SPON1: variants seen among roughly 807,000 people sequenced by gnomAD.
SPON1 encodes the protein spondin-1.
SPON1 carries 52 observed loss-of-function variants against 111.7 expected under a neutral mutation model. The ratio of observed to expected loss-of-function variants is 0.47; its 90% CI spans 0.37 to 0.59. The LOEUF (loss-of-function observed/expected upper bound fraction) is 0.59, where lower values mean the gene tolerates loss of function less well. SPON1 is among the 20% of genes least tolerant of loss of function. The pLI is 0.00. For synonymous variants in SPON1, 410 were observed against 395.8 expected, an observed-to-expected ratio of 1.04 and a Z score of -0.43; for missense variants, 957 against 1,068.5, an observed-to-expected ratio of 0.90 and a Z score of 1.46.
chr11:14,221,016 G>A (rs1400526226), intron 6 of SPON1, among the ~76,000 whole-genome samples: 2 of 152,192 alleles, frequency 1.3e-5, no homozygotes, highest in East Asian at 3.8e-4. Context: ...AATTCCAAGG[G>A]AAGTCCTTTC....
At position 14,259,559 on chromosome 11, in the gene SPON1, G is replaced by A. The variant is rs1554941686; in HGVS notation, c.1689G>A (p.Glu563=). The A allele has an allele frequency of 6.4e-7, 1 of 1,553,778 alleles. No homozygotes were observed. Among genetic ancestry groups the A allele is most frequent in the Non-Finnish European group, 8.7e-7 (1 of 1,148,586 alleles). Residue 563 remains glutamate (E), a synonymous_variant, in exon 13 of 16, where the codon GAG becomes GAA. Coordinates refer to ENST00000576479, the MANE Select transcript of SPON1 (RefSeq NM_006108.4). The surrounding 1 kb of genome is among the most constrained non-coding windows in gnomAD (Gnocchi z 5.0). The part of the protein sequence containing the change: ...ECSPSSCLMT[E]WGEWDECSAT... ...CTCCCAGCAGCTGCCTGATGACCGA[G>A]TGGGGCGAGTGGGACGAGTGCAGCG...
intron 15 of SPON1, among the ~76,000 whole-genome samples, 190 bp from the exon 16 acceptor site, chr11:14,265,334 A>G (rs1849252278): frequency 6.6e-6 from 1 of 152,178 alleles, no homozygotes; most frequent in Admixed American, 6.5e-5. Context: ...AGAACCGTGA[A>G]GCATTTGTGG....
At chr11:14,239,497 G>A (rs529406642) in intron 6 of SPON1, among the ~76,000 whole-genome samples, 16 of 152,218 alleles carry the variant, frequency 1.1e-4, no homozygotes, top group African/African-American at 2.4e-4. Flanking sequence ...AGGCCGAGGC[G>A]GGCAGATCAC....
chr11:14,250,239 TAATTC>T lies in SPON1; in HGVS notation c.891-4283_891-4279del, dbSNP rs1280766138. Among the ~76,000 whole-genome samples the T allele has an allele frequency of 4.6e-5, 7 of 152,334 alleles. No individual in the cohort carries two copies. The East Asian group carries it at 7.7e-4, about 17-fold the overall frequency. On this transcript the variant is annotated intron_variant, in intron 7 of 15. Coordinates refer to ENST00000576479, the MANE Select transcript of SPON1 (RefSeq NM_006108.4). ...TTTACAGAAGGTCTTCGTTGATAGA[TAATTC>T]AATTCTTTTCTTTATAATTGCTTTT...
intron 3 of SPON1, among the ~76,000 whole-genome samples, chr11:14,052,893 G>C (rs1219871804): frequency 1.3e-5 from 2 of 152,302 alleles, no homozygotes; most frequent in East Asian, 3.9e-4. Flanking sequence ...GTAAACTGAA[G>C]CTTGGTGGGA....
chr11:14,126,388 T>C (rs1455662470), intron 5 of SPON1, among the ~76,000 whole-genome samples: 1 of 152,184 alleles, frequency 6.6e-6, no homozygotes. Flanking sequence ...ATGCTGGCAA[T>C]TTAGTACCAA....
intron 6 of SPON1, among the ~76,000 whole-genome samples, chr11:14,233,689 G>A (rs376675036): frequency 2.3e-4 from 35 of 152,080 alleles, no homozygotes; most frequent in East Asian, 7.7e-4. Context: ...CTTCTGGGAC[G>A]GGACCTGCCC....
intron 6 of SPON1, among the ~76,000 whole-genome samples, chr11:14,157,912 C>A (rs1210948134): frequency 1.3e-5 from 2 of 151,934 alleles, no homozygotes; most frequent in Non-Finnish European, 2.9e-5. Context: ...ATTTCTATTT[C>A]CTTGAACATA....
At chr11:13,988,214 C>T (rs1308560597) in intron 2 of SPON1, among the ~76,000 whole-genome samples, 4 of 152,086 alleles carry the variant, frequency 2.6e-5, no homozygotes, top group Admixed American at 2.6e-4. Context: ...TTGTTTGTGT[C>T]CTCTCTTTTG....
At chr11:14,148,267 C>A (rs1554929553) in intron 6 of SPON1, among the ~76,000 whole-genome samples, 2 of 152,018 alleles carry the variant, frequency 1.3e-5, no homozygotes, top group Non-Finnish European at 2.9e-5. Context: ...TGATTGGTCC[C>A]ATTTGTGCTA....
chr11:14,244,961 G>A (rs1317021418), intron 7 of SPON1, among the ~76,000 whole-genome samples: 2 of 152,206 alleles, frequency 1.3e-5, no homozygotes, highest in Non-Finnish European at 2.9e-5. Flanking sequence ...CTTTGATTTT[G>A]CTCATCCTTT....
intron 6 of SPON1, among the ~76,000 whole-genome samples, chr11:14,236,273 A>G (rs1848866292): frequency 6.6e-6 from 1 of 152,046 alleles, no homozygotes; most frequent in Non-Finnish European, 1.5e-5. Context: ...TCATGAAGAT[A>G]TTTTGGAAGT....
intron 6 of SPON1, among the ~76,000 whole-genome samples, chr11:14,225,785 C>T (rs1848732246): frequency 6.6e-6 from 1 of 152,108 alleles, no homozygotes; most frequent in South Asian, 2.1e-4. Context: ...TACAGGGTTG[C>T]AAAAGTAAGG....
chr11:14,261,154 A>T (rs1465055140), intron 14 of SPON1, among the ~76,000 whole-genome samples: 1 of 152,078 alleles, frequency 6.6e-6, no homozygotes, highest in Admixed American at 6.6e-5. Flanking sequence ...GCTGGACATT[A>T]AATCAATGAC....
chr11:14,243,206 C>T (rs534711547), intron 6 of SPON1, 126 bp from the exon 7 acceptor site: 2 of 850,560 alleles, frequency 2.4e-6, no homozygotes, highest in Non-Finnish European at 3.8e-6. Flanking sequence ...GGTGGCTGTA[C>T]ACCCAGGCAG....
chr11:14,194,151 C>A (rs1189327996), intron 6 of SPON1, among the ~76,000 whole-genome samples: 1 of 152,180 alleles, frequency 6.6e-6, no homozygotes, highest in African/African-American at 2.4e-5. Context: ...CTTCACCCTT[C>A]CTAGGTTTTT....
chr11:14,103,835 A>AT (rs2133844901), intron 5 of SPON1, among the ~76,000 whole-genome samples: 1 of 152,298 alleles, frequency 6.6e-6, no homozygotes, highest in Non-Finnish European at 1.5e-5. Context: ...TTTTCAGTCT[A>AT]TTAATTTATC....
chr11:14,093,176 T>A lies in SPON1; in HGVS notation c.676+13155T>A, dbSNP rs566507256. Among the ~76,000 whole-genome samples the A allele has an allele frequency of 7.9e-5, 12 of 152,366 alleles. No individual in the cohort carries two copies. In the South Asian group the frequency reaches 2.5e-3, roughly 32 times the overall value. ...ATGGACCTTAAAGTGTCAGAAGAACTGCCAGCTCCTGCAATGTCTGTTCGA... is the reference window on the plus strand; with the variant it reads ...ATGGACCTTAAAGTGTCAGAAGAACAGCCAGCTCCTGCAATGTCTGTTCGA... On this transcript the variant is annotated intron_variant, in intron 5 of 15. Transcript: ENST00000576479.
chr11:14,039,837 T>C (rs1199861248), intron 2 of SPON1, among the ~76,000 whole-genome samples: 1 of 152,162 alleles, frequency 6.6e-6, no homozygotes, highest in Non-Finnish European at 1.5e-5. Context: ...TATTCATGTC[T>C]AGAAAATCCC....
Sources: allele counts gnomAD v4.1 joint callset (sites outside exome capture counted in the v4.1 genomes callset), GRCh38; gene constraint gnomAD v4.1.1; non-coding constraint Gnocchi (gnomAD v3.1); transcripts MANE v1.5; gene names NCBI Gene and HGNC (gene_info 2026-07-23, HGNC 2026-07-21).